LOC400499: variants seen among roughly 807,000 people sequenced by gnomAD.
At chr16:11,381,294 A>G in the LOC400499 span, among the ~76,000 whole-genome samples, 4 of 152,156 alleles carry the variant, frequency 2.6e-5, no homozygotes, top group African/African-American at 4.8e-5. Context: ...TCACGCAGGC[A>G]GGAGTGTGAT....
At chr16:11,398,394 C>T in the LOC400499 span, 5 of 1,232,308 alleles carry the variant, frequency 4.1e-6, no homozygotes, top group Middle Eastern at 6.2e-4. Flanking sequence ...CCGCAGCCAG[C>T]GTGCATAGTC....
At chr16:11,387,142 G>A in the LOC400499 span, 1 of 1,232,306 alleles carries the variant, frequency 8.1e-7, no homozygotes, top group Non-Finnish European at 1.0e-6. Context: ...GGCGGCGTCT[G>A]AGCCAGTAGT....
chr16:11,390,649 C>G, the LOC400499 span, among the ~76,000 whole-genome samples: 1 of 152,160 alleles, frequency 6.6e-6, no homozygotes, highest in African/African-American at 2.4e-5. Flanking sequence ...AGGCCTGAGC[C>G]GTCTCTGCAA....
the LOC400499 span, chr16:11,381,226 A>ATTT: frequency 6.6e-6 from 1 of 152,058 alleles, no homozygotes; most frequent in Non-Finnish European, 1.5e-5. Flanking sequence ...TTTTTCATGC[A>ATTT]TTTATTTCCC....
At chr16:11,383,913 G>C in the LOC400499 span, 2 of 1,232,022 alleles carry the variant, frequency 1.6e-6, no homozygotes, top group Non-Finnish European at 2.0e-6. Context: ...TCAAGCTGGA[G>C]TGGGGGCCCT....
chr16:11,434,278 T>C, the LOC400499 span, among the ~76,000 whole-genome samples: 1 of 152,168 alleles, frequency 6.6e-6, no homozygotes, highest in South Asian at 2.1e-4. Flanking sequence ...TCCTGGCATG[T>C]TGGGAGGCTA....
the LOC400499 span, among the ~76,000 whole-genome samples, chr16:11,396,020 G>T: frequency 9.8e-5 from 15 of 152,340 alleles, no homozygotes; most frequent in Non-Finnish European, 2.1e-4. Flanking sequence ...GAGTAAGGAG[G>T]GGGAGGAGAT....
chr16:11,521,066 G>C, the LOC400499 span, among the ~76,000 whole-genome samples: 1 of 152,194 alleles, frequency 6.6e-6, no homozygotes. Context: ...GGGTGTAAAA[G>C]GATGATAAAG....
the LOC400499 span, among the ~76,000 whole-genome samples, chr16:11,458,646 T>C: frequency 6.6e-6 from 1 of 152,216 alleles, no homozygotes; most frequent in Non-Finnish European, 1.5e-5. Flanking sequence ...TTCCTGGTTA[T>C]AGACTTGCAG....
the LOC400499 span, among the ~76,000 whole-genome samples, chr16:11,449,675 A>G: frequency 6.6e-6 from 1 of 152,220 alleles, no homozygotes; most frequent in Non-Finnish European, 1.5e-5. Context: ...TGAGCCTCCA[A>G]CCCAATACCA....
the LOC400499 span, among the ~76,000 whole-genome samples, chr16:11,450,151 A>G: frequency 0.81 from 123,852 of 152,196 alleles, 50,453 homozygotes; most frequent in South Asian, 0.85. Context: ...CAGTCCACCC[A>G]CCAGGCTCCC....
the LOC400499 span, among the ~76,000 whole-genome samples, chr16:11,428,725 C>T: frequency 1.3e-5 from 2 of 152,160 alleles, no homozygotes; most frequent in Admixed American, 6.5e-5. Flanking sequence ...CTCCTGGGAA[C>T]GCAGCCCAGT....
At chr16:11,520,936 T>C in the LOC400499 span, among the ~76,000 whole-genome samples, 1 of 152,174 alleles carries the variant, frequency 6.6e-6, no homozygotes, top group African/African-American at 2.4e-5. Context: ...CTTGCCAACA[T>C]TTGACATTGG....
the LOC400499 span, among the ~76,000 whole-genome samples, chr16:11,449,547 G>A: frequency 0.027 from 4,126 of 152,242 alleles, 96 homozygotes; most frequent in Non-Finnish European, 0.043. Flanking sequence ...ATTTGCAGCC[G>A]CCACCCTGGC....
chr16:11,384,904 C>T, the LOC400499 span: 1 of 1,232,292 alleles, frequency 8.1e-7, no homozygotes. Flanking sequence ...GCCAGAGGCC[C>T]AGAGTCAGGC....
the LOC400499 span, among the ~76,000 whole-genome samples, chr16:11,473,446 CA>C: frequency 6.6e-6 from 1 of 152,044 alleles, no homozygotes; most frequent in South Asian, 2.1e-4. Flanking sequence ...TGCTGGCTTA[CA>C]CTTGGCATTA....
the LOC400499 span, among the ~76,000 whole-genome samples, chr16:11,482,752 G>C: frequency 2.0e-5 from 3 of 151,938 alleles, no homozygotes; most frequent in Non-Finnish European, 4.4e-5. Flanking sequence ...ACTTAGCCAG[G>C]TGTGGCAGTA....
the LOC400499 span, among the ~76,000 whole-genome samples, chr16:11,395,348 A>G: frequency 6.6e-6 from 1 of 152,186 alleles, no homozygotes; most frequent in Non-Finnish European, 1.5e-5. Flanking sequence ...TAGCTGTCCC[A>G]AATAAATCGG....
At chr16:11,498,864 C>A in the LOC400499 span, among the ~76,000 whole-genome samples, 1 of 151,136 alleles carries the variant, frequency 6.6e-6, no homozygotes, top group Non-Finnish European at 1.5e-5. Context: ...ACCTGGTCTG[C>A]AAGGTCATTC....
Sources: allele counts gnomAD v4.1 joint callset (sites outside exome capture counted in the v4.1 genomes callset), GRCh38; gene constraint gnomAD v4.1.1; transcripts MANE v1.5.